Variants in TPCN2 observed in about 807,000 individuals in gnomAD.
TPCN2 encodes the protein two pore channel protein 2.
Under a neutral mutation model 111.4 loss-of-function variants are expected in TPCN2, and 92 were observed. That is an observed-to-expected ratio of 0.83 (90% CI 0.70 to 0.98). The LOEUF (loss-of-function observed/expected upper bound fraction) is 0.98, where lower values mean the gene tolerates loss of function less well. Among genes scored for constraint, TPCN2 ranks in the 50% least tolerant of loss-of-function variants. The pLI, the probability that TPCN2 is intolerant of heterozygous loss-of-function variation, is 0.00. For missense variants in TPCN2, 995 were observed against 980.1 expected, an observed-to-expected ratio of 1.02 and a Z score of -0.20; for synonymous variants, 405 against 414.5, an observed-to-expected ratio of 0.98 and a Z score of 0.28.
At chr11:69,056,222 C>T (rs1375799753) in intron 4 of TPCN2, among the ~76,000 whole-genome samples, 3 of 152,252 alleles carry the variant, frequency 2.0e-5, no homozygotes, top group African/African-American at 4.8e-5. Context: ...CTTGGGCTCA[C>T]GTGGCTTCCT....
intron 16 of TPCN2, 28 bp from the exon 17 acceptor site, chr11:69,079,806 G>A (rs927142589): frequency 3.1e-6 from 5 of 1,610,780 alleles, no homozygotes; most frequent in Admixed American, 3.3e-5. Context: ...TTGCTGTAGC[G>A]AAGCCTTCTT....
intron 13 of TPCN2, among the ~76,000 whole-genome samples, chr11:69,078,171 T>A (rs186856002): frequency 1.1e-4 from 16 of 151,868 alleles, no homozygotes; most frequent in African/African-American, 3.1e-4. Context: ...TTTTTTTTTT[T>A]TATATATATC....
At chr11:69,049,743 A>C in intron 1 of TPCN2, among the ~76,000 whole-genome samples, 1 of 151,538 alleles carries the variant, frequency 6.6e-6, no homozygotes, top group Non-Finnish European at 1.5e-5. Context: ...TCCCCTCTGC[A>C]CTCCCTCCTG....
chr11:69,060,050 C>G (rs1450209747), intron 5 of TPCN2, among the ~76,000 whole-genome samples: 1 of 152,238 alleles, frequency 6.6e-6, no homozygotes, highest in African/African-American at 2.4e-5. Flanking sequence ...TGGGCGTTCA[C>G]ATGGGGCACC....
At chr11:69,071,815 C>T in intron 10 of TPCN2, 108 bp from the exon 11 acceptor site, 1 of 1,032,766 alleles carries the variant, frequency 9.7e-7, no homozygotes, top group South Asian at 1.5e-5. Context: ...GGCCCCCCCC[C>T]AAGGCTGCCC....
At chr11:69,079,742 A>T (rs1855928093) in intron 16 of TPCN2, 92 bp from the exon 17 acceptor site, 2 of 1,192,998 alleles carry the variant, frequency 1.7e-6, no homozygotes, top group Admixed American at 4.3e-5. Context: ...TTTGGGGAGA[A>T]TGTGTTAGAG....
chr11:69,067,446 C>T (rs1855321495), intron 7 of TPCN2, 57 bp from the exon 8 acceptor site: 1 of 1,520,016 alleles, frequency 6.6e-7, no homozygotes, highest in African/African-American at 1.4e-5. Flanking sequence ...GGGCCTGGAG[C>T]TCAGCCTGTG....
At chr11:69,076,186 G>A (rs1028359712) in intron 13 of TPCN2, among the ~76,000 whole-genome samples, 3 of 152,208 alleles carry the variant, frequency 2.0e-5, no homozygotes, top group African/African-American at 4.8e-5. Context: ...CAGACCTCTT[G>A]AGAGCAGGTG....
chr11:69,073,664 C>A (rs1052767370), intron 13 of TPCN2, among the ~76,000 whole-genome samples: 2 of 152,230 alleles, frequency 1.3e-5, no homozygotes, highest in Non-Finnish European at 1.5e-5. Flanking sequence ...ATCTCACAGT[C>A]CTGGCCGTCA....
chr11:69,071,839 G>T, intron 10 of TPCN2, 84 bp from the exon 11 acceptor site: 5 of 1,321,424 alleles, frequency 3.8e-6, no homozygotes, highest in Non-Finnish European at 5.4e-6. Context: ...CTCCCCCTCT[G>T]CCTGTTCCCC....
intron 23 of TPCN2, 152 bp downstream of exon 23, chr11:69,086,756 C>G: frequency 4.1e-6 from 3 of 734,728 alleles, no homozygotes; most frequent in Non-Finnish European, 6.9e-6. Flanking sequence ...GAGCCCCTCC[C>G]GTGGGGCTCA....
chr11:69,079,581 T>C (rs905985981), intron 16 of TPCN2: 3 of 488,440 alleles, frequency 6.1e-6, no homozygotes, highest in Non-Finnish European at 1.1e-5. Context: ...TGTCCTTGAC[T>C]CAGTATCTTC....
At chr11:69,055,575 G>A (rs913456084) in intron 4 of TPCN2, among the ~76,000 whole-genome samples, 11 of 152,166 alleles carry the variant, frequency 7.2e-5, no homozygotes, top group Non-Finnish European at 1.3e-4. Context: ...CCAGTGTGCC[G>A]TCAGCTCTCC....
intron 7 of TPCN2, among the ~76,000 whole-genome samples, chr11:69,065,400 C>A (rs1855228908): frequency 6.6e-6 from 1 of 152,164 alleles, no homozygotes; most frequent in African/African-American, 2.4e-5. Context: ...TCCTGAGGCA[C>A]CTGGAAGGGT....
intron 10 of TPCN2, 89 bp from the exon 11 acceptor site, chr11:69,071,834 C>G (rs1019111604): frequency 3.7e-5 from 47 of 1,279,984 alleles, no homozygotes; most frequent in Non-Finnish European, 5.1e-5. Flanking sequence ...CCAGACTCCC[C>G]CTCTGCCTGT....
chr11:69,079,523 G>T (rs1232479231), intron 16 of TPCN2: 3 of 330,204 alleles, frequency 9.1e-6, no homozygotes, highest in African/African-American at 4.3e-5. Context: ...TAGCCAGCAG[G>T]CCCCTCGGCA....
At chr11:69,054,184 C>T in intron 2 of TPCN2, 87 bp downstream of exon 2, 2 of 1,057,468 alleles carry the variant, frequency 1.9e-6, no homozygotes, top group Non-Finnish European at 2.9e-6. Flanking sequence ...TGACTGGGTC[C>T]AAGGCCTCCA....
chr11:69,066,785 C>T (rs938764019), intron 7 of TPCN2, among the ~76,000 whole-genome samples: 12 of 152,216 alleles, frequency 7.9e-5, no homozygotes, highest in African/African-American at 2.9e-4. Flanking sequence ...AACCACCCAT[C>T]TTCCAGCTGG....
chr11:69,081,552 C>A, intron 18 of TPCN2, 53 bp downstream of exon 18: 1 of 1,383,474 alleles, frequency 7.2e-7, no homozygotes, highest in Non-Finnish European at 9.9e-7. Flanking sequence ...CATGCTGCTG[C>A]GTTGCTCCAG....
Sources: gnomAD v4.1 joint callset for allele counts (sites outside exome capture counted in the v4.1 genomes callset) on GRCh38, gnomAD v4.1.1 for gene constraint, MANE v1.5 for transcripts, NCBI Gene and HGNC (gene_info 2026-07-23, HGNC 2026-07-21) for gene names.